MYO15A: variants seen among roughly 807,000 people sequenced by gnomAD.
The protein encoded by MYO15A is unconventional myosin-XV.
A neutral mutation model predicts 394.6 loss-of-function variants in MYO15A; 308 were observed. The ratio of observed to expected loss-of-function variants is 0.78; its 90% CI spans 0.71 to 0.86. The LOEUF is 0.86. MYO15A is among the 40% of genes least tolerant of loss of function. MYO15A has a pLI of 0.00. For synonymous variants in MYO15A, 1,957 were observed against 2,003.8 expected (o/e 0.98, Z 0.62); for missense variants, 4,606 against 4,799.1 (o/e 0.96, Z 1.19).
intron 63 of MYO15A, among the ~76,000 whole-genome samples, 171 bp downstream of exon 63, chr17:18,171,942 TA>T (rs1251791373): frequency 6.6e-6 from 1 of 152,172 alleles, no homozygotes; most frequent in African/African-American, 2.4e-5. Context: ...AGATGTCACC[TA>T]GGCTCAAAGT....
chr17:18,172,943 C>G (rs901546788), intron 64 of MYO15A, among the ~76,000 whole-genome samples: 1 of 152,156 alleles, frequency 6.6e-6, no homozygotes, highest in Non-Finnish European at 1.5e-5. Context: ...CCTGTTACCC[C>G]CTTAGTTTTT....
chr17:18,147,953 A>G lies in MYO15A; in HGVS notation c.6510-76A>G. 1 of 1,571,332 alleles carries G rather than the reference A, an allele frequency of 6.4e-7. No individual in the cohort carries two copies. The highest frequency in any genetic ancestry group is 1.1e-5 in the South Asian group (1 of 89,436). On this transcript the variant is annotated intron_variant, in intron 30 of 65. Transcript: ENST00000647165. The surrounding 1 kb of genome is among the most constrained non-coding windows in gnomAD (Gnocchi z 4.4). ...TCTCAGACTAGCCTCAGAATTTCCT[A>G]CCCCCACCCCGCAGCCCTCAGCCCC... is the stretch of plus-strand genomic sequence containing the variant.
At chr17:18,159,036 T>C in intron 53 of MYO15A, 39 bp downstream of exon 53, 1 of 1,605,838 alleles carries the variant, frequency 6.2e-7, no homozygotes, top group East Asian at 2.2e-5. Context: ...ATCTGTAAAA[T>C]GGTGATGCAG....
intron 2 of MYO15A, 120 bp downstream of exon 2, chr17:18,122,529 C>T: frequency 7.0e-7 from 1 of 1,422,332 alleles, no homozygotes; most frequent in Non-Finnish European, 9.3e-7. Flanking sequence ...GGGCCTCAGT[C>T]TCTGGGTCTG....
chr17:18,155,279 A>T (rs1308093647), intron 46 of MYO15A, 35 bp from the exon 47 acceptor site: 2 of 1,613,588 alleles, frequency 1.2e-6, no homozygotes, highest in Non-Finnish European at 8.5e-7. Flanking sequence ...GGATGAGACA[A>T]GAGGATCCTC....
intron 38 of MYO15A, 27 bp from the exon 39 acceptor site, chr17:18,151,083 C>A: frequency 6.2e-7 from 1 of 1,613,322 alleles, no homozygotes; most frequent in Non-Finnish European, 8.5e-7. Context: ...TCCCAGGCAG[C>A]CCACCCTCAC....
At chr17:18,165,020 C>G (rs2046833043) in intron 60 of MYO15A, 3 of 149,958 alleles carry the variant, frequency 2.0e-5, no homozygotes, top group Non-Finnish European at 4.4e-5. Flanking sequence ...TTGCCTGCCA[C>G]TCAGGAGGGT....
At position 18,142,190 on chromosome 17, in the gene MYO15A, C is replaced by T. The variant is rs760490445; in HGVS notation, c.5761C>T (p.Arg1921Ter). ...RCLRGFFIKR[R>*]FRSLRHKIIL... ...CCTCCGTGGCTTCTTCATTAAGCGG[C>T]GATTCCGCTCTCTGCGCCACAAGAT... is the stretch of plus-strand genomic sequence containing the variant. The change falls in exon 24 of 66, where the codon CGA becomes TGA. Residue 1921 changes from arginine (R) to a stop codon, truncating the protein, a stop_gained. Transcript: ENST00000647165. LOFTEE classifies it high-confidence loss of function. 5.6e-6 allele frequency: 9 copies of T among 1,613,632 alleles called. No individual in the cohort carries two copies. The highest frequency in any genetic ancestry group is 7.6e-6 in the Non-Finnish European group (9 of 1,180,012).
In MYO15A at chr17:18,131,539, A is replaced by G. The variant is rs778570889; in HGVS notation, c.4206+8A>G. The stretch of plus-strand genomic sequence containing the variant: ...TCCAGGATCGTGTTTCAGGTGGGCC[A>G]CCCCCTCCCAGGCCTCTGTGTTGGG... On this transcript the variant is annotated splice_region_variant and intron_variant, in intron 10 of 65. Transcript: ENST00000647165. 8.1e-6 allele frequency: 13 copies of G among 1,612,962 alleles called. No individual in the cohort carries two copies. Among genetic ancestry groups the G allele is most frequent in the Non-Finnish European group, 1.1e-5 (13 of 1,179,704 alleles).
At position 18,121,105 on chromosome 17, in the gene MYO15A, G is replaced by T; in HGVS notation, c.2305G>T (p.Ala769Ser). Reference protein sequence around the residue: ...GASPRASRRRAWSPLASPQPS... With the variant: ...GASPRASRRRSWSPLASPQPS... ...CTCTCCACGGGCGTCGCGGAGGCGAGCTTGGTCACCGCTGGCCTCGCCCCA... is the reference window on the plus strand; with the variant it reads ...CTCTCCACGGGCGTCGCGGAGGCGATCTTGGTCACCGCTGGCCTCGCCCCA... Residue 769 changes from alanine (A) to serine (S), a missense_variant, in exon 2 of 66, where the codon GCT becomes TCT. Around this residue, in one of 2 missense-constraint regions of MYO15A, gnomAD observed 1,830 missense variants for 1,689.7 expected, o/e 1.08. Transcript: ENST00000647165. This position sits in a 1 kb window ranked among gnomAD's most constrained non-coding sequence, Gnocchi z 5.3. 1 of 1,503,278 alleles carries T rather than the reference G, an allele frequency of 6.7e-7. No homozygotes were observed. The allele number at this position is 1,503,278 out of a possible 1,614,324, so 93.1% of individuals were successfully genotyped here. A position where few individuals can be genotyped will look rare whatever the true frequency, so the allele number is the denominator to read the frequency against.
At chr17:18,163,457 G>A (rs2046805431) in intron 59 of MYO15A, 136 bp downstream of exon 59, 2 of 993,948 alleles carry the variant, frequency 2.0e-6, no homozygotes, top group South Asian at 1.3e-5. Flanking sequence ...CCACAAGGCA[G>A]GACTTATTTC....
At position 18,132,337 on chromosome 17, in the gene MYO15A, C is replaced by T. The variant is rs2046182421; in HGVS notation, c.4207-116C>T. 1.2e-6 allele frequency: 1 copy of T among 809,592 alleles called. No individual in the cohort carries two copies. The highest frequency in any genetic ancestry group is 2.1e-6 in the Non-Finnish European group (1 of 475,476). 50.2% of individuals were successfully genotyped at this position (809,592 alleles called of 1,614,324 possible). On this transcript the variant is annotated intron_variant, in intron 10 of 65. Transcript: ENST00000647165. The surrounding 1 kb of genome is among the most constrained non-coding windows in gnomAD (Gnocchi z 4.6). ...CACCCATCACAGAGGCGCGTGTTCT[C>T]ATCTGCAGCCCACTGTGTGCATGTG...
rs1002227017 is a variant in MYO15A, at chr17:18,179,168, C to G, written c.*298C>G. The stretch of plus-strand genomic sequence containing the variant: ...GAGGCCTCCTGCCATGTACCCATTG[C>G]AGACCCTGCCCCTAACTCCTGCCTA... On this transcript the variant is annotated 3_prime_UTR_variant, in exon 66 of 66. Coordinates refer to ENST00000647165, the MANE Select transcript of MYO15A (RefSeq NM_016239.4). 6 of 497,450 alleles carry G rather than the reference C, an allele frequency of 1.2e-5. No homozygotes were observed. The highest frequency in any genetic ancestry group is 3.7e-6 in the Non-Finnish European group (1 of 271,182). The allele number at this position is 497,450 out of a possible 1,614,324, so 30.8% of individuals were successfully genotyped here. A position where few individuals can be genotyped will look rare whatever the true frequency, so the allele number is the denominator to read the frequency against.
intron 56 of MYO15A, chr17:18,161,049 CAGAGA>C (rs2046767253): frequency 1.7e-6 from 1 of 605,372 alleles, no homozygotes; most frequent in Non-Finnish European, 3.0e-6. Flanking sequence ...TGTTGTGAGG[CAGAGA>C]AGAGAAGAAT....
chr17:18,157,795 C>T lies in MYO15A; in HGVS notation c.8862C>T (p.Pro2954=), dbSNP rs570681192. 5.6e-6 allele frequency: 9 copies of T among 1,603,302 alleles called. No individual in the cohort carries two copies. In the East Asian group the frequency reaches 1.6e-4, roughly 28 times the overall value. ...PSELVQPAAA[P]DFLQLPTEPG... ...AGCTGGTGCAGCCCGCTGCTGCCCC[C>T]GACTTCCTGCAGCTGCCAACGGAGC... The change falls in exon 51 of 66, where the codon CCC becomes CCT. Residue 2954 remains proline, a synonymous_variant. Coordinates refer to ENST00000647165, the MANE Select transcript of MYO15A (RefSeq NM_016239.4).
At chr17:18,139,646 C>T (rs769831404) in intron 19 of MYO15A, 35 bp downstream of exon 19, 3 of 1,609,566 alleles carry the variant, frequency 1.9e-6, no homozygotes, top group Non-Finnish European at 2.5e-6. Flanking sequence ...GGCCCTGCCC[C>T]CAGGCATGTC....
intron 62 of MYO15A, 25 bp from the exon 63 acceptor site, chr17:18,171,613 C>T: frequency 1.2e-6 from 2 of 1,613,768 alleles, no homozygotes; most frequent in Non-Finnish European, 8.5e-7. Context: ...CACTCAGGAC[C>T]TTTTTCCCCT....
rs772613066 is a variant in MYO15A at position 18,119,646 on chromosome 17, G to A, written c.846G>A (p.Pro282=). 6.2e-7 allele frequency: 1 copy of A among 1,603,662 alleles called. No individual in the cohort carries two copies. Among genetic ancestry groups the A allele is most frequent in the East Asian group, 2.2e-5 (1 of 44,854 alleles). The change falls in exon 2 of 66, where the codon CCG becomes CCA. Residue 282 remains proline (P), a synonymous_variant. Transcript: ENST00000647165. ...ACGGCGACCACTACTACGGGTACCC[G>A]CCCGAGGATCCCTACGACTACTACC... ...PPYGDHYYGY[P]PEDPYDYYHP... is the part of the protein sequence containing the mutation.
chr17:18,145,447 C>T (rs1252261238), intron 29 of MYO15A, among the ~76,000 whole-genome samples: 2 of 152,246 alleles, frequency 1.3e-5, no homozygotes, highest in East Asian at 1.9e-4. Flanking sequence ...AGCACGGTGG[C>T]GCACACTTGT....
Sources: gnomAD v4.1 joint callset for allele counts (sites outside exome capture counted in the v4.1 genomes callset) on GRCh38, gnomAD v4.1.1 for gene constraint, gnomAD v4.1.1 regional missense constraint, Gnocchi (gnomAD v3.1) non-coding constraint, MANE v1.5 for transcripts, NCBI Gene and HGNC (gene_info 2026-07-23, HGNC 2026-07-21) for gene names.